B3GALNT2: variants seen among roughly 807,000 people sequenced by gnomAD.
The protein encoded by B3GALNT2 is UDP-GalNAc:beta-1,3-N-acetylgalactosaminyltransferase 2.
B3GALNT2 carries 53 observed loss-of-function variants against 61.1 expected under a neutral mutation model. The observed-to-expected ratio is 0.87, with a 90% CI of 0.70 to 1.09. The LOEUF (loss-of-function observed/expected upper bound fraction) is 1.09. Among genes scored for constraint, B3GALNT2 ranks in the 50% least tolerant of loss-of-function variants. B3GALNT2 has a pLI of 0.00. For missense variants in B3GALNT2, 544 were observed against 623.0 expected, an observed-to-expected ratio of 0.87 and a Z score of 1.35; for synonymous variants, 223 against 237.4, an observed-to-expected ratio of 0.94 and a Z score of 0.56.
chr1:235,479,987 T>C, intron 5 of B3GALNT2, 67 bp downstream of exon 5: 2 of 1,586,428 alleles, frequency 1.3e-6, no homozygotes, highest in South Asian at 1.2e-5. Context: ...TGCCTGCCCC[T>C]GAAAGCACAC....
At chr1:235,465,433 G>A in intron 7 of B3GALNT2, 1 of 703,520 alleles carries the variant, frequency 1.4e-6, no homozygotes, top group Non-Finnish European at 2.2e-6. Context: ...AACTGCTAAT[G>A]GGTGTGGGGT....
intron 5 of B3GALNT2, among the ~76,000 whole-genome samples, chr1:235,475,981 C>A (rs1030301878): frequency 6.6e-6 from 1 of 152,028 alleles, no homozygotes; most frequent in Non-Finnish European, 1.5e-5. Flanking sequence ...TGAGACACCA[C>A]ACGTGGCCTG....
chr1:235,494,321 T>G (rs1395122506), intron 2 of B3GALNT2, among the ~76,000 whole-genome samples: 3 of 152,192 alleles, frequency 2.0e-5, no homozygotes, highest in Non-Finnish European at 4.4e-5. Context: ...CAATTATCAT[T>G]TGGCTTAAAA....
intron 2 of B3GALNT2, among the ~76,000 whole-genome samples, chr1:235,494,181 A>C (rs1685205250): frequency 6.6e-6 from 1 of 152,252 alleles, no homozygotes; most frequent in Non-Finnish European, 1.5e-5. Flanking sequence ...AGACATGCAC[A>C]TGTGTCTAAG....
the B3GALNT2 span, chr1:235,442,024 T>G: frequency 1.5e-6 from 1 of 680,436 alleles, no homozygotes. Context: ...TTTTTTTTTT[T>G]TGAGACAGAG....
chr1:235,471,157 C>A (rs1409480167), intron 5 of B3GALNT2, among the ~76,000 whole-genome samples, 197 bp from the exon 6 acceptor site: 2 of 152,118 alleles, frequency 1.3e-5, no homozygotes, highest in Non-Finnish European at 2.9e-5. Flanking sequence ...ATATAAAAAA[C>A]CAATTACAAA....
At chr1:235,474,979 ATATATATATTTTTT>A (rs1684193316) in intron 5 of B3GALNT2, among the ~76,000 whole-genome samples, 1 of 33,710 alleles carries the variant, frequency 3.0e-5, no homozygotes. Context: ...ATATATATAT[ATATATATATTTTTT>A]TTTTTTTTTT....
intron 5 of B3GALNT2, among the ~76,000 whole-genome samples, chr1:235,475,860 G>A (rs1056778456): frequency 6.6e-6 from 1 of 152,002 alleles, no homozygotes; most frequent in Non-Finnish European, 1.5e-5. Flanking sequence ...GGTTATTTTT[G>A]TTGTTTGAAT....
Position 235,448,484 on chromosome 1 carries a change from C to A in B3GALNT2, c.*1722G>T. On this transcript the variant is annotated 3_prime_UTR_variant, in exon 12 of 12. Transcript: ENST00000366600. ...TACAAAGTCAAAGTCAAGCTTAGTC[C>A]TCGTATTATGACATTAAACTGTCTC... The A allele has an allele frequency of 6.4e-7, 1 of 1,568,358 alleles. No homozygotes were observed. The highest frequency in any genetic ancestry group is 8.8e-7 in the Non-Finnish European group (1 of 1,138,556).
intron 11 of B3GALNT2, chr1:235,451,614 A>G (rs1238421717): frequency 1.3e-5 from 2 of 152,176 alleles, no homozygotes; most frequent in African/African-American, 4.8e-5. Context: ...ATATTCAAAG[A>G]TGAGACAAAG....
chr1:235,440,091 C>A, the B3GALNT2 span, among the ~76,000 whole-genome samples: 1 of 152,014 alleles, frequency 6.6e-6, no homozygotes, highest in South Asian at 2.1e-4. Flanking sequence ...CTGCCTCAGC[C>A]TCCCGAGTGG....
In B3GALNT2 at chr1:235,502,372, T is replaced by TGGC. The variant is rs138325356; in HGVS notation, c.112+1766_112+1768dup. On this transcript the variant is annotated intron_variant, in intron 1 of 11. Coordinates refer to ENST00000366600, the MANE Select transcript of B3GALNT2 (RefSeq NM_152490.5). ...GGTTGACAGCTGCAGCAAACCACCA[T>TGGC]GGCACACGTTTACCTATGTAACAAA... Among the ~76,000 whole-genome samples the TGGC allele has an allele frequency of 3.1e-3, 474 of 152,306 alleles. 2 individuals are homozygous for TGGC. The highest frequency in any genetic ancestry group is 0.011 in the African/African-American group (447 of 41,554).
intron 7 of B3GALNT2, 21 bp from the exon 8 acceptor site, chr1:235,458,807 G>C (rs200608463): frequency 2.6e-6 from 4 of 1,553,692 alleles, no homozygotes; most frequent in Non-Finnish European, 1.7e-6. Flanking sequence ...AAAGTTGAGA[G>C]TTGGAGAAAA....
At chr1:235,451,441 G>T (rs1421665609) in intron 11 of B3GALNT2, 1 of 141,034 alleles carries the variant, frequency 7.1e-6, no homozygotes, top group Non-Finnish European at 1.5e-5. Context: ...TTTAAATAGA[G>T]GACTCAGTTT....
intron 1 of B3GALNT2, 64 bp from the exon 2 acceptor site, chr1:235,494,892 A>G: frequency 8.1e-6 from 11 of 1,365,310 alleles, no homozygotes; most frequent in Non-Finnish European, 1.1e-5. Context: ...TTCAATATGT[A>G]TCATAAGTTT....
chr1:235,451,002 A>G (rs1259842503), intron 11 of B3GALNT2: 1 of 152,270 alleles, frequency 6.6e-6, no homozygotes, highest in Admixed American at 6.5e-5. Flanking sequence ...GATAAAATTA[A>G]AAACCTTTAT....
intron 1 of B3GALNT2, among the ~76,000 whole-genome samples, chr1:235,498,661 T>C (rs1296813702): frequency 6.6e-6 from 1 of 151,744 alleles, no homozygotes; most frequent in East Asian, 1.9e-4. Context: ...GCCAATATGG[T>C]GAAACCTCAT....
chr1:235,443,063 A>G (rs1023417051), downstream of B3GALNT2: 14 of 766,746 alleles, frequency 1.8e-5, no homozygotes, highest in Admixed American at 4.8e-5. Context: ...AATACAATCA[A>G]TCATGCTAAT....
At chr1:235,480,028 T>C in intron 5 of B3GALNT2, 26 bp downstream of exon 5, 1 of 1,613,060 alleles carries the variant, frequency 6.2e-7, no homozygotes, top group Non-Finnish European at 8.5e-7. Flanking sequence ...GCATTGGTAC[T>C]ACAGTCTTTT....
Sources: gnomAD v4.1 joint callset for allele counts (sites outside exome capture counted in the v4.1 genomes callset) on GRCh38, gnomAD v4.1.1 for gene constraint, MANE v1.5 for transcripts, NCBI Gene and HGNC (gene_info 2026-07-23, HGNC 2026-07-21) for gene names.